MMP16: variants seen among roughly 807,000 people sequenced by gnomAD.
MMP16 encodes the protein matrix metalloproteinase-16.
MMP16 carries 12 observed loss-of-function variants against 67.8 expected under a neutral mutation model. That is an observed-to-expected ratio of 0.18 (90% CI 0.11 to 0.29). The LOEUF (loss-of-function observed/expected upper bound fraction) is 0.29. Among genes scored for constraint, MMP16 ranks in the 10% least tolerant of loss-of-function variants. The pLI is 1.00. For missense variants in MMP16, 475 were observed against 765.7 expected (o/e 0.62, Z 4.48); for synonymous variants, 249 against 255.9 (o/e 0.97, Z 0.26).
intron 7 of MMP16, among the ~76,000 whole-genome samples, chr8:88,074,260 T>C (rs896986625): frequency 3.3e-5 from 5 of 152,138 alleles, no homozygotes; most frequent in Admixed American, 6.6e-5. Flanking sequence ...TAATAGATTT[T>C]ATTACCTAAA....
intron 6 of MMP16, among the ~76,000 whole-genome samples, chr8:88,082,472 C>T (rs745844309): frequency 1.3e-5 from 2 of 152,048 alleles, no homozygotes; most frequent in Non-Finnish European, 2.9e-5. Context: ...CAATACATTA[C>T]AAAATCATAT....
At position 88,174,501 on chromosome 8, in the gene MMP16, G is replaced by T. The variant is rs142098199; in HGVS notation, c.405-6528C>A. Among the ~76,000 whole-genome samples, 8 of 152,144 alleles carry T rather than the reference G, an allele frequency of 5.3e-5. No individual in the cohort carries two copies. The South Asian group carries it at 1.7e-3, about 32-fold the overall frequency. On this transcript the variant is annotated intron_variant, in intron 3 of 9. Transcript: ENST00000286614. ...AACTTTCCAACCATTACATAAATGC[G>T]TACATAGTCTCTAATTTAACCTAAG...
chr8:88,114,569 T>G (rs1809397175), intron 6 of MMP16, among the ~76,000 whole-genome samples: 1 of 152,034 alleles, frequency 6.6e-6, no homozygotes. Flanking sequence ...AGACACATTT[T>G]ATCAAAGATG....
In MMP16 at chr8:88,034,081, A is replaced by G. The variant is rs1054033749; in HGVS notation, c.*7380T>C. 2.0e-5 allele frequency: 3 copies of G among 152,014 alleles called. No individual in the cohort carries two copies. Among genetic ancestry groups the G allele is most frequent in the African/African-American group, 4.8e-5 (2 of 41,420 alleles). The allele number at this position is 152,014 out of a possible 1,614,324, so 9.4% of individuals were successfully genotyped here. On this transcript the variant is annotated 3_prime_UTR_variant, in exon 10 of 10. Coordinates refer to ENST00000286614, the MANE Select transcript of MMP16 (RefSeq NM_005941.5). ...ATAAAAAGTTAGAAAAGCCAATGAG[A>G]GAGGTTGGGATGTATGTCAACTTTG...
At chr8:88,262,508 C>G (rs1810402198) in intron 1 of MMP16, among the ~76,000 whole-genome samples, 2 of 152,144 alleles carry the variant, frequency 1.3e-5, no homozygotes, top group South Asian at 4.1e-4. Context: ...ACACTTGAGG[C>G]TCCTCGCTAG....
intron 4 of MMP16, among the ~76,000 whole-genome samples, chr8:88,154,636 A>G (rs1204073606): frequency 6.6e-6 from 1 of 150,702 alleles, no homozygotes; most frequent in Admixed American, 6.6e-5. Flanking sequence ...CAAACACCGC[A>G]TATTCTCACT....
chr8:88,170,381 C>G (rs1444813987), intron 3 of MMP16, among the ~76,000 whole-genome samples: 1 of 152,156 alleles, frequency 6.6e-6, no homozygotes, highest in African/African-American at 2.4e-5. Context: ...CCTTGCTAGT[C>G]TCTAAATTTC....
At chr8:88,317,261 A>G (rs1356277027) in intron 1 of MMP16, among the ~76,000 whole-genome samples, 2 of 152,192 alleles carry the variant, frequency 1.3e-5, no homozygotes, top group Non-Finnish European at 2.9e-5. Flanking sequence ...GGAATAGTCA[A>G]TCAATGTGGC....
intron 4 of MMP16, among the ~76,000 whole-genome samples, chr8:88,156,962 T>C (rs1014072556): frequency 4.6e-5 from 7 of 152,108 alleles, no homozygotes; most frequent in Admixed American, 3.3e-4. Flanking sequence ...AAAATCCAAG[T>C]AGTACTGATT....
At chr8:88,263,063 T>A in intron 1 of MMP16, among the ~76,000 whole-genome samples, 1 of 149,262 alleles carries the variant, frequency 6.7e-6, no homozygotes, top group East Asian at 1.9e-4. Context: ...AAAAAAAGTT[T>A]TTTTTAATTC....
rs546278644 is a variant in MMP16, at chr8:88,199,606, T to C, written c.133-2300A>G. Among the ~76,000 whole-genome samples, 3 of 152,122 alleles carry C rather than the reference T, an allele frequency of 2.0e-5. No individual in the cohort carries two copies. In the East Asian group the frequency reaches 5.8e-4, roughly 29 times the overall value. On this transcript the variant is annotated intron_variant, in intron 1 of 9. Transcript: ENST00000286614. Reference sequence around the variant, plus strand: ...TAAGTAATATTTGGAAATGTATCTTTCCCCTTACCCTAGTATTCTGCTATC... The same window carrying C: ...TAAGTAATATTTGGAAATGTATCTTCCCCCTTACCCTAGTATTCTGCTATC...
chr8:88,265,264 G>C (rs1563577964), intron 1 of MMP16, among the ~76,000 whole-genome samples: 1 of 123,254 alleles, frequency 8.1e-6, no homozygotes, highest in Non-Finnish European at 1.6e-5. Flanking sequence ...CAGAGTCCTA[G>C]GGAGGTCAAG....
intron 1 of MMP16, among the ~76,000 whole-genome samples, chr8:88,207,005 G>T (rs951220798): frequency 6.6e-6 from 1 of 151,858 alleles, no homozygotes; most frequent in Non-Finnish European, 1.5e-5. Context: ...AAAATTTTGG[G>T]GAAAGCTTCA....
rs151116558 is a variant in MMP16, at chr8:88,169,084, G to T, written c.405-1111C>A. On this transcript the variant is annotated intron_variant, in intron 3 of 9. Transcript: ENST00000286614. ...TATATTGAAATGCAATCATAAAAGA[G>T]AACTGAAACTGAAACAATTTAAAAT... Among the ~76,000 whole-genome samples, 122 of 152,102 alleles carry T rather than the reference G, an allele frequency of 8.0e-4. 1 individual carries two copies. The East Asian group carries it at 0.014, about 18-fold the overall frequency.
At chr8:88,182,526 T>C (rs776264452) in intron 3 of MMP16, among the ~76,000 whole-genome samples, 30 of 152,178 alleles carry the variant, frequency 2.0e-4, no homozygotes, top group Non-Finnish European at 3.7e-4. Flanking sequence ...CTTATTAGAA[T>C]AACTACAACT....
intron 4 of MMP16, among the ~76,000 whole-genome samples, chr8:88,142,454 A>G (rs1808227909): frequency 6.6e-6 from 1 of 152,134 alleles, no homozygotes; most frequent in African/African-American, 2.4e-5. Flanking sequence ...AGTAATTAAT[A>G]TATATCTACT....
At chr8:88,095,476 G>A (rs928960893) in intron 6 of MMP16, among the ~76,000 whole-genome samples, 1 of 151,796 alleles carries the variant, frequency 6.6e-6, no homozygotes, top group African/African-American at 2.4e-5. Flanking sequence ...GCCTCTTTCA[G>A]TTCAGGCACA....
At position 88,037,557 on chromosome 8, in the gene MMP16, C is replaced by G. The variant is rs1395215355; in HGVS notation, c.*3904G>C. 1 of 151,862 alleles carries G rather than the reference C, an allele frequency of 6.6e-6. No homozygotes were observed. The highest frequency in any genetic ancestry group is 1.5e-5 in the Non-Finnish European group (1 of 67,872). 9.4% of individuals were successfully genotyped at this position (151,862 alleles called of 1,614,324 possible). ...CTTTGCTAGTATCACATAATGCTGTCTAATTTAGCTCTATAACCTTTGCAA... is the reference window on the plus strand; with the variant it reads ...CTTTGCTAGTATCACATAATGCTGTGTAATTTAGCTCTATAACCTTTGCAA... On this transcript the variant is annotated 3_prime_UTR_variant, in exon 10 of 10. Coordinates refer to ENST00000286614, the MANE Select transcript of MMP16 (RefSeq NM_005941.5).
At chr8:88,059,061 T>C (rs993404769) in intron 7 of MMP16, among the ~76,000 whole-genome samples, 1 of 152,054 alleles carries the variant, frequency 6.6e-6, no homozygotes, top group Admixed American at 6.6e-5. Flanking sequence ...CTGTTGGAAG[T>C]TTAAATCAAG....
Sources: gnomAD v4.1 joint callset for allele counts (sites outside exome capture counted in the v4.1 genomes callset) on GRCh38, gnomAD v4.1.1 for gene constraint, MANE v1.5 for transcripts, NCBI Gene and HGNC (gene_info 2026-07-23, HGNC 2026-07-21) for gene names.